ST3GAL3: variants seen among roughly 807,000 people sequenced by gnomAD.
The protein encoded by ST3GAL3 is CMP-N-acetylneuraminate-beta-1,4-galactoside alpha-2,3-sialyltransferase.
In ST3GAL3, 21 loss-of-function variants were observed where a neutral mutation model predicts 50.1. The ratio of observed to expected loss-of-function variants is 0.42; its 90% CI spans 0.30 to 0.60. The LOEUF is 0.60. Ranked by LOEUF, ST3GAL3 falls within the 20% of genes least tolerant of loss-of-function variation. The probability of loss-of-function intolerance (pLI) is 0.19; values close to 1 mark genes in which losing one functional copy is unlikely to be tolerated. For missense variants in ST3GAL3, 353 were observed against 489.4 expected (o/e 0.72, Z 2.63); for synonymous variants, 183 against 190.0 (o/e 0.96, Z 0.30).
chr1:43,714,816 T>G (rs1281679696), intron 1 of ST3GAL3, among the ~76,000 whole-genome samples: 2 of 152,212 alleles, frequency 1.3e-5, no homozygotes, highest in African/African-American at 4.8e-5. Context: ...TCTGATGATT[T>G]TTTTAAAGAT....
chr1:43,917,403 C>A (rs1410210202), intron 9 of ST3GAL3, among the ~76,000 whole-genome samples: 1 of 126,668 alleles, frequency 7.9e-6, no homozygotes, highest in Non-Finnish European at 1.6e-5. Flanking sequence ...AAAATTTTTA[C>A]CACTTTTTTG....
intron 3 of ST3GAL3, among the ~76,000 whole-genome samples, chr1:43,807,474 C>T (rs2060037650): frequency 7.1e-6 from 1 of 140,758 alleles, no homozygotes; most frequent in Admixed American, 7.1e-5. Flanking sequence ...ATCTATAGGC[C>T]AGGTCTTGGG....
At chr1:43,783,366 G>A (rs572839082) in intron 2 of ST3GAL3, among the ~76,000 whole-genome samples, 31 of 152,238 alleles carry the variant, frequency 2.0e-4, no homozygotes, top group African/African-American at 7.0e-4. Flanking sequence ...TTCAGTAGCA[G>A]CCTCCATGCC....
At chr1:43,901,051 C>T (rs759854922) in intron 9 of ST3GAL3, among the ~76,000 whole-genome samples, 5 of 152,234 alleles carry the variant, frequency 3.3e-5, no homozygotes, top group Non-Finnish European at 5.9e-5. Context: ...GTTTTCAGAA[C>T]CCTGGGGACT....
intron 1 of ST3GAL3, among the ~76,000 whole-genome samples, chr1:43,734,018 G>A (rs1001416451): frequency 2.0e-5 from 3 of 152,134 alleles, no homozygotes; most frequent in Non-Finnish European, 2.9e-5. Context: ...GCTGAGGCAG[G>A]AGAATCGCTT....
rs2057233728 is a variant in ST3GAL3 at position 43,785,716 on chromosome 1, C to T, written c.119-6386C>T. Among the ~76,000 whole-genome samples the T allele has an allele frequency of 3.3e-5, 5 of 152,196 alleles. No homozygotes were observed. In the South Asian group the frequency reaches 1.0e-3, roughly 31 times the overall value. On this transcript the variant is annotated intron_variant, in intron 2 of 11. Transcript: ENST00000347631. ...CATCCAAGTCTCTACACTTCTTTGT[C>T]TGCTTGTGTCTCCTACCAATCCCCC...
chr1:43,850,767 T>C, intron 5 of ST3GAL3: 1 of 820,288 alleles, frequency 1.2e-6, no homozygotes, highest in South Asian at 1.3e-5. Flanking sequence ...CACATGGTGC[T>C]GATAAACTTC....
chr1:43,751,624 T>C (rs894492351), intron 2 of ST3GAL3, among the ~76,000 whole-genome samples: 6 of 152,156 alleles, frequency 3.9e-5, no homozygotes, highest in African/African-American at 1.4e-4. Context: ...CAAATGCATA[T>C]GTATACAGAT....
intron 3 of ST3GAL3, among the ~76,000 whole-genome samples, chr1:43,793,015 G>C (rs1444916223): frequency 1.3e-5 from 2 of 152,090 alleles, no homozygotes; most frequent in Non-Finnish European, 2.9e-5. Context: ...TCATTTTGCC[G>C]TCCTTAGATA....
At chr1:43,759,429 G>A (rs1224988448) in intron 2 of ST3GAL3, among the ~76,000 whole-genome samples, 1 of 152,216 alleles carries the variant, frequency 6.6e-6, no homozygotes, top group Non-Finnish European at 1.5e-5. Flanking sequence ...GGGTGACAGA[G>A]CGAGACTCCA....
At chr1:43,750,231 T>A (rs986128034) in intron 2 of ST3GAL3, among the ~76,000 whole-genome samples, 21 of 152,134 alleles carry the variant, frequency 1.4e-4, no homozygotes, top group Non-Finnish European at 2.9e-5. Flanking sequence ...TCAAATGGAG[T>A]GTAAAATGGT....
chr1:43,879,368 A>C (rs751308939), intron 5 of ST3GAL3: 3 of 456,086 alleles, frequency 6.6e-6, no homozygotes, highest in Non-Finnish European at 1.3e-5. Flanking sequence ...CATGGTTGGC[A>C]TGGTATGGTT....
intron 2 of ST3GAL3, among the ~76,000 whole-genome samples, chr1:43,769,191 T>A (rs1694183888): frequency 6.6e-6 from 1 of 152,206 alleles, no homozygotes; most frequent in Non-Finnish European, 1.5e-5. Flanking sequence ...AGAACAAGCA[T>A]TTAATAAAAT....
intron 1 of ST3GAL3, among the ~76,000 whole-genome samples, chr1:43,721,816 G>T (rs949560877): frequency 6.6e-6 from 1 of 151,924 alleles, no homozygotes; most frequent in African/African-American, 2.4e-5. Flanking sequence ...GGTCAGGCTG[G>T]TCTTGAACTC....
intron 6 of ST3GAL3, among the ~76,000 whole-genome samples, chr1:43,896,529 T>C (rs887200594): frequency 1.3e-5 from 2 of 152,122 alleles, no homozygotes; most frequent in Non-Finnish European, 2.9e-5. Flanking sequence ...CTGGCTTCAG[T>C]GTTGGCATTC....
At chr1:43,926,325 AC>A (rs1242190637) in intron 11 of ST3GAL3, among the ~76,000 whole-genome samples, 1 of 152,190 alleles carries the variant, frequency 6.6e-6, no homozygotes, top group East Asian at 1.9e-4. Context: ...GCGGTCCCTC[AC>A]GCCTGTAATC....
rs146350327 is a variant in ST3GAL3 at position 43,729,924 on chromosome 1, C to T, written c.-30-6309C>T. Among the ~76,000 whole-genome samples, 954 of 142,348 alleles carry T rather than the reference C, an allele frequency of 6.7e-3. 8 individuals carry two copies. Among genetic ancestry groups the T allele is most frequent in the Non-Finnish European group, 8.6e-3 (559 of 64,978 alleles). 93.4% of individuals were successfully genotyped at this position (142,348 alleles called of 152,430 possible). A position where few individuals can be genotyped will look rare whatever the true frequency, so the allele number is the denominator to read the frequency against. On this transcript the variant is annotated intron_variant, in intron 1 of 11. Coordinates refer to ENST00000347631, the MANE Select transcript of ST3GAL3 (RefSeq NM_006279.5). ...TAATTTTGTTAGATATTTTCAAATC[C>T]CTTCCACCACCAGTAATGTATGAAA...
Position 43,814,750 on chromosome 1 carries a change from A to C in ST3GAL3, c.167-141A>C. On this transcript the variant is annotated intron_variant, in intron 3 of 11. Coordinates refer to ENST00000347631, the MANE Select transcript of ST3GAL3 (RefSeq NM_006279.5). ...TCAGCTGGTGTTTTGTGGTTTATGT[A>C]TTTAGTTACGTTCTTTGAAGCAGTT... 7 of 833,008 alleles carry C rather than the reference A, an allele frequency of 8.4e-6. No homozygotes were observed. The South Asian group carries it at 9.4e-5, about 11-fold the overall frequency. 51.6% of individuals were successfully genotyped at this position (833,008 alleles called of 1,614,324 possible).
intron 5 of ST3GAL3, chr1:43,838,527 G>A: frequency 1.9e-6 from 1 of 539,076 alleles, no homozygotes; most frequent in Non-Finnish European, 3.4e-6. Context: ...GCACCTTGTG[G>A]CACAGCCTGT....
Sources: gnomAD v4.1 joint callset for allele counts (sites outside exome capture counted in the v4.1 genomes callset) on GRCh38, gnomAD v4.1.1 for gene constraint, MANE v1.5 for transcripts, NCBI Gene and HGNC (gene_info 2026-07-23, HGNC 2026-07-21) for gene names.